The following ECT2 variants were observed in gnomAD, a reference collection of about 807,000 sequenced individuals.
ECT2 encodes epithelial cell transforming 2.
A neutral mutation model predicts 116.9 loss-of-function variants in ECT2; 61 were observed. The ratio of observed to expected loss-of-function variants is 0.52; its 90% CI spans 0.42 to 0.65. The LOEUF is 0.65. Among genes scored for constraint, ECT2 ranks in the 30% least tolerant of loss-of-function variants. The pLI is 0.00. For missense variants in ECT2, 937 were observed against 1,078.7 expected (o/e 0.87, Z 1.84); for synonymous variants, 358 against 346.4 (o/e 1.03, Z -0.37).
At chr3:172,799,476 ATAATGCTG>A (rs2108975126) in intron 18 of ECT2, among the ~76,000 whole-genome samples, 1 of 152,342 alleles carries the variant, frequency 6.6e-6, no homozygotes, top group East Asian at 1.9e-4. Flanking sequence ...GCTTGACAAA[ATAATGCTG>A]TAATTAAATT....
intron 1 of ECT2, chr3:172,752,431 C>CA (rs780841426): frequency 6.6e-6 from 1 of 152,004 alleles, no homozygotes; most frequent in East Asian, 1.9e-4. Flanking sequence ...TCCGGCCTTT[C>CA]AAATGGTATT....
intron 21 of ECT2, among the ~76,000 whole-genome samples, chr3:172,807,041 C>T (rs750741133): frequency 6.6e-6 from 1 of 152,148 alleles, no homozygotes; most frequent in Non-Finnish European, 1.5e-5. Context: ...GTATAGTTGT[C>T]CCTTGGTATC....
intron 18 of ECT2, among the ~76,000 whole-genome samples, chr3:172,788,510 CT>C (rs1169763257): frequency 6.6e-6 from 1 of 152,156 alleles, no homozygotes; most frequent in Non-Finnish European, 1.5e-5. Flanking sequence ...TTGGTAATCT[CT>C]TTTTCTGGCC....
chr3:172,762,258 A>T (rs1192016971), intron 8 of ECT2, among the ~76,000 whole-genome samples, 158 bp from the exon 9 acceptor site: 6 of 152,152 alleles, frequency 3.9e-5, no homozygotes, highest in African/African-American at 1.4e-4. Context: ...CATTTTTTTA[A>T]ACTGAAGTTT....
intron 23 of ECT2, 30 bp from the exon 24 acceptor site, chr3:172,816,661 A>G (rs761089411): frequency 6.5e-7 from 1 of 1,550,288 alleles, no homozygotes; most frequent in Non-Finnish European, 8.8e-7. Flanking sequence ...GAATTTGTCT[A>G]GGTTTAACTA....
intron 11 of ECT2, among the ~76,000 whole-genome samples, chr3:172,763,206 A>G (rs1453595117): frequency 6.6e-6 from 1 of 152,246 alleles, no homozygotes; most frequent in African/African-American, 2.4e-5. Flanking sequence ...CATTACGAAC[A>G]AGAACATCTC....
intron 13 of ECT2, among the ~76,000 whole-genome samples, chr3:172,773,289 T>G (rs909279383): frequency 6.6e-6 from 1 of 152,164 alleles, no homozygotes; most frequent in Non-Finnish European, 1.5e-5. Flanking sequence ...CTATTTACAT[T>G]ATATTTTCCA....
chr3:172,790,071 G>A (rs1245909650), intron 18 of ECT2, among the ~76,000 whole-genome samples: 2 of 150,402 alleles, frequency 1.3e-5, no homozygotes. Context: ...TTTCTCCCTC[G>A]CCTCTCTGCT....
chr3:172,761,185 C>T (rs139599662), intron 7 of ECT2, among the ~76,000 whole-genome samples: 2 of 152,120 alleles, frequency 1.3e-5, no homozygotes, highest in East Asian at 3.9e-4. Context: ...TCTTAGTCTC[C>T]CTTAGTGTAT....
chr3:172,764,286 T>G lies in ECT2; in HGVS notation c.1077T>G (p.Thr359=), dbSNP rs1449991627. ...TGTGCTTTTGATTACAGGCAAATACTCCTGAGCTCAAGAAATCAGTGTCAA... is the reference window on the plus strand; with the variant it reads ...TGTGCTTTTGATTACAGGCAAATACGCCTGAGCTCAAGAAATCAGTGTCAA... ...ETMYLYEKAN[T]PELKKSVSML... Residue 359 remains threonine (T), a synonymous_variant, in exon 12 of 25, where the codon ACT becomes ACG. Transcript: ENST00000392692. 6.2e-7 allele frequency: 1 copy of G among 1,614,018 alleles called. No homozygotes were observed.
chr3:172,769,222 C>T (rs1035078638), intron 13 of ECT2, 79 bp downstream of exon 13: 113 of 1,316,496 alleles, frequency 8.6e-5, no homozygotes, highest in Non-Finnish European at 1.0e-4. Context: ...TTGTTTCTTA[C>T]GAGAAAATTA....
At chr3:172,768,051 G>A (rs1719852862) in intron 12 of ECT2, among the ~76,000 whole-genome samples, 1 of 152,010 alleles carries the variant, frequency 6.6e-6, no homozygotes, top group Non-Finnish European at 1.5e-5. Flanking sequence ...TTTCTTTCAT[G>A]AAATGTATAT....
At chr3:172,757,434 T>G (rs1717228070) in intron 5 of ECT2, among the ~76,000 whole-genome samples, 1 of 150,294 alleles carries the variant, frequency 6.7e-6, no homozygotes. Context: ...TTTTTTTTTT[T>G]GAGACGGAGT....
intron 24 of ECT2, among the ~76,000 whole-genome samples, chr3:172,818,076 G>T (rs1045689543): frequency 6.6e-6 from 1 of 151,994 alleles, no homozygotes; most frequent in Non-Finnish European, 1.5e-5. Flanking sequence ...TTTTATAAGT[G>T]ATTTCTTTTT....
At chr3:172,805,014 A>C (rs910834130) in intron 20 of ECT2, among the ~76,000 whole-genome samples, 1 of 152,034 alleles carries the variant, frequency 6.6e-6, no homozygotes, top group African/African-American at 2.4e-5. Flanking sequence ...AAAAACTTAT[A>C]ATCTTAAATA....
At chr3:172,780,143 TATATATAC>T in intron 14 of ECT2, among the ~76,000 whole-genome samples, 1 of 152,288 alleles carries the variant, frequency 6.6e-6, no homozygotes, top group Non-Finnish European at 1.5e-5. Flanking sequence ...TGATACTATG[TATATATAC>T]ATAGCATATA....
Position 172,754,512 on chromosome 3 carries a change from A to C in ECT2, c.-19A>C, listed in dbSNP as rs371483388. 3.8e-6 allele frequency: 6 copies of C among 1,577,058 alleles called. No individual in the cohort carries two copies. The highest frequency in any genetic ancestry group is 5.2e-6 in the Non-Finnish European group (6 of 1,164,608). On this transcript the variant is annotated 5_prime_UTR_variant, in exon 2 of 25. Coordinates refer to ENST00000392692, the MANE Select transcript of ECT2 (RefSeq NM_001258315.2). ...TATTCAAATTTTATTTTTTCAGCTGATTTAGAAGAATACAAATCATGGCTG... is the reference window on the plus strand; with the variant it reads ...TATTCAAATTTTATTTTTTCAGCTGCTTTAGAAGAATACAAATCATGGCTG...
chr3:172,755,440 T>A lies in ECT2; in HGVS notation c.211-43T>A, dbSNP rs894032606. On this transcript the variant is annotated intron_variant, in intron 3 of 24. Transcript: ENST00000392692. ...TTTCTTCCATCAGTGTGTAAATAGTTTCATAGCTTTCTTAACCTCATACTT... is the reference window on the plus strand; with the variant it reads ...TTTCTTCCATCAGTGTGTAAATAGTATCATAGCTTTCTTAACCTCATACTT... 3.3e-6 allele frequency: 5 copies of A among 1,523,758 alleles called. No homozygotes were observed. In the African/African-American group the frequency reaches 7.0e-5, roughly 21 times the overall value. 94.4% of individuals were successfully genotyped at this position (1,523,758 alleles called of 1,614,324 possible).
intron 22 of ECT2, among the ~76,000 whole-genome samples, chr3:172,810,167 A>C (rs558994548): frequency 1.3e-5 from 2 of 152,336 alleles, no homozygotes; most frequent in South Asian, 4.1e-4. Flanking sequence ...TTTATTAATA[A>C]GTAAATTTAA....
Sources: allele counts gnomAD v4.1 joint callset (sites outside exome capture counted in the v4.1 genomes callset), GRCh38; gene constraint gnomAD v4.1.1; transcripts MANE v1.5; gene names NCBI Gene and HGNC (gene_info 2026-07-23, HGNC 2026-07-21).